GTSE1: variants seen among roughly 807,000 people sequenced by gnomAD.
GTSE1 encodes the protein G2 and S phase-expressed protein 1.
In GTSE1, 52 loss-of-function variants were observed where a neutral mutation model predicts 60.5. That is an observed-to-expected ratio of 0.86 (90% CI 0.69 to 1.08). The LOEUF (loss-of-function observed/expected upper bound fraction) is 1.08. Among genes scored for constraint, GTSE1 ranks in the 50% least tolerant of loss-of-function variants. The pLI, the probability that GTSE1 is intolerant of heterozygous loss-of-function variation, is 0.00. For synonymous variants in GTSE1, 368 were observed against 386.5 expected, an observed-to-expected ratio of 0.95 and a Z score of 0.56; for missense variants, 937 against 961.8, an observed-to-expected ratio of 0.97 and a Z score of 0.34.
Position 46,312,204 on chromosome 22 carries a change from C to T in GTSE1, c.826C>T (p.Arg276Trp), listed in dbSNP as rs766749646. The T allele has an allele frequency of 9.3e-6, 15 of 1,613,816 alleles. No individual in the cohort carries two copies. Among genetic ancestry groups the T allele is most frequent in the African/African-American group, 6.7e-5 (5 of 74,916 alleles). ...TKIPAEKESH[R>W]DVLPDKPAPG... ...AATCCCAGCTGAGAAGGAATCCCAC[C>T]GGGATGTTCTCCCTGACAAACCTGC... Residue 276 changes from arginine (R) to tryptophan (W), a missense_variant, in exon 5 of 12, where the codon CGG becomes TGG. Coordinates refer to ENST00000454366, the MANE Select transcript of GTSE1 (RefSeq NM_016426.7).
chr22:46,297,472 G>A lies in GTSE1; in HGVS notation c.72G>A (p.Lys24=). The A allele has an allele frequency of 6.2e-7, 1 of 1,611,122 alleles. No individual in the cohort carries two copies. Among genetic ancestry groups the A allele is most frequent in the South Asian group, 1.1e-5 (1 of 91,026 alleles). Residue 24 remains lysine, a synonymous_variant, in exon 2 of 12, where the codon AAG becomes AAA. Transcript: ENST00000454366. This position sits in a 1 kb window ranked among gnomAD's most constrained non-coding sequence, Gnocchi z 4.9. ...GGGACGTGAACATGGATGACCCTAA[G>A]AAGGAAGGCAAGTCCTTGCTGCTGC... ...RAGDVNMDDP[K]KEDILLLADE...
rs1351775201 is a variant in GTSE1 at position 46,318,747 on chromosome 22, C to A, written c.1432+2335C>A. 1.3e-5 allele frequency among the ~76,000 whole-genome samples: 2 copies of A among 152,074 alleles called. No homozygotes were observed. Among genetic ancestry groups the A allele is most frequent in the East Asian group, 3.9e-4 (2 of 5,186 alleles). On this transcript the variant is annotated intron_variant, in intron 7 of 11. Coordinates refer to ENST00000454366, the MANE Select transcript of GTSE1 (RefSeq NM_016426.7). This position sits in a 1 kb window ranked among gnomAD's most constrained non-coding sequence, Gnocchi z 4.8. ...ACGTGCTCTGGGAGCAGCATGGGGG[C>A]CGGAGGGTGGGAGTGCAGCCGCTGC... is the stretch of plus-strand genomic sequence containing the variant.
chr22:46,302,081 C>T (rs1171816423), intron 2 of GTSE1, among the ~76,000 whole-genome samples: 3 of 152,036 alleles, frequency 2.0e-5, no homozygotes, highest in Non-Finnish European at 2.9e-5. Context: ...GCCAAGATCG[C>T]GCCATTGCAC....
At position 46,329,961 on chromosome 22, in the gene GTSE1, C is replaced by G. The variant is rs2077866793; in HGVS notation, c.2137-86C>G. On this transcript the variant is annotated intron_variant, in intron 11 of 11. Transcript: ENST00000454366. This position sits in a 1 kb window ranked among gnomAD's most constrained non-coding sequence, Gnocchi z 6.4. ...CAGGATGAGCGAGTGGCTGTGATGACCCACGCAGCCAGTCCTCTGTGCAGG... is the reference window on the plus strand; with the variant it reads ...CAGGATGAGCGAGTGGCTGTGATGAGCCACGCAGCCAGTCCTCTGTGCAGG... 4.8e-5 allele frequency: 40 copies of G among 826,302 alleles called. No homozygotes were observed. In the East Asian group the frequency reaches 9.8e-4, roughly 20 times the overall value. 51.2% of individuals were successfully genotyped at this position (826,302 alleles called of 1,614,324 possible).
chr22:46,312,638 CAAA>C (rs60392526), intron 5 of GTSE1, among the ~76,000 whole-genome samples: 13 of 59,774 alleles, frequency 2.2e-4, no homozygotes, highest in Admixed American at 5.8e-4. Flanking sequence ...GACCCTGTCT[CAAA>C]AAAAAAAAAA....
rs890691103 is a variant in GTSE1 at position 46,325,487 on chromosome 22, G to A, written c.1506-949G>A. On this transcript the variant is annotated intron_variant, in intron 8 of 11. Coordinates refer to ENST00000454366, the MANE Select transcript of GTSE1 (RefSeq NM_016426.7). ...CTGGGATTACAGGCGTGAGCCACCCGCCCGGCCTATGTTTGTTTATTTTTT... is the reference window on the plus strand; with the variant it reads ...CTGGGATTACAGGCGTGAGCCACCCACCCGGCCTATGTTTGTTTATTTTTT... 6.6e-5 allele frequency among the ~76,000 whole-genome samples: 10 copies of A among 152,066 alleles called. No homozygotes were observed. In the East Asian group the frequency reaches 1.2e-3, roughly 18 times the overall value.
rs2077831158 is a variant in GTSE1 at position 46,324,253 on chromosome 22, G to A, written c.1505+991G>A. ...TGCCGTCCCTCCCATGCATGGTGGT[G>A]AAGAGCAAAGACCAGAGCCAGGCAG... On this transcript the variant is annotated intron_variant, in intron 8 of 11. Transcript: ENST00000454366. This position sits in a 1 kb window ranked among gnomAD's most constrained non-coding sequence, Gnocchi z 5.2. Among the ~76,000 whole-genome samples, 1 of 152,236 alleles carries A rather than the reference G, an allele frequency of 6.6e-6. No homozygotes were observed.
intron 2 of GTSE1, among the ~76,000 whole-genome samples, chr22:46,302,549 A>C (rs577371513): frequency 7.9e-5 from 12 of 152,092 alleles, no homozygotes; most frequent in Non-Finnish European, 2.9e-5. Context: ...TTTTGTACAG[A>C]CAAGGTCTCC....
rs192724573 is a variant in GTSE1 at position 46,319,784 on chromosome 22, G to A, written c.1432+3372G>A. On this transcript the variant is annotated intron_variant, in intron 7 of 11. Coordinates refer to ENST00000454366, the MANE Select transcript of GTSE1 (RefSeq NM_016426.7). The surrounding 1 kb of genome is among the most constrained non-coding windows in gnomAD (Gnocchi z 5.0). ...GCAGATCACCTGAGGTCAGGAGTTC[G>A]AGAGCAGCCTGGTCAACATGGTGAA... 3.9e-5 allele frequency among the ~76,000 whole-genome samples: 6 copies of A among 152,164 alleles called. No homozygotes were observed. Among genetic ancestry groups the A allele is most frequent in the Admixed American group, 3.3e-4 (5 of 15,288 alleles).
In GTSE1 at chr22:46,314,981, T is replaced by C. The variant is rs2077770515; in HGVS notation, c.1051+968T>C. Among the ~76,000 whole-genome samples, 1 of 152,040 alleles carries C rather than the reference T, an allele frequency of 6.6e-6. No homozygotes were observed. Among genetic ancestry groups the C allele is most frequent in the Non-Finnish European group, 1.5e-5 (1 of 68,006 alleles). On this transcript the variant is annotated intron_variant, in intron 6 of 11. Transcript: ENST00000454366. The surrounding 1 kb of genome is among the most constrained non-coding windows in gnomAD (Gnocchi z 7.1). ...TTTATAGACTGAGGTGATGACCTCC[T>C]GAGATCAAGCAATCCTCCCACCTCA...
At chr22:46,298,024 G>A (rs1055994860) in intron 2 of GTSE1, among the ~76,000 whole-genome samples, 2 of 150,856 alleles carry the variant, frequency 1.3e-5, no homozygotes, top group Non-Finnish European at 3.0e-5. Flanking sequence ...GTGCAAAGGC[G>A]TGATCTGTAC....
rs2077736266 is a variant in GTSE1 at position 46,309,477 on chromosome 22, T to G, written c.762+534T>G. On this transcript the variant is annotated intron_variant, in intron 4 of 11. Transcript: ENST00000454366. This position sits in a 1 kb window ranked among gnomAD's most constrained non-coding sequence, Gnocchi z 6.2. ...TGCCAGGGCTGCCCGATCTGGCTCT[T>G]GCTCGGGAGAGGCCACAGAGAGGAA... is the stretch of plus-strand genomic sequence containing the variant. 1.3e-5 allele frequency among the ~76,000 whole-genome samples: 2 copies of G among 152,184 alleles called. No homozygotes were observed. Among genetic ancestry groups the G allele is most frequent in the South Asian group, 2.1e-4 (1 of 4,822 alleles).
At chr22:46,323,125 T>A (rs751448086) in intron 7 of GTSE1, 65 bp from the exon 8 acceptor site, 2 of 1,034,384 alleles carry the variant, frequency 1.9e-6, no homozygotes, top group Non-Finnish European at 3.1e-6. Context: ...TCGGTGACGA[T>A]CCCCCAACAG....
chr22:46,319,202 G>T lies in GTSE1; in HGVS notation c.1432+2790G>T, dbSNP rs899609623. On this transcript the variant is annotated intron_variant, in intron 7 of 11. Transcript: ENST00000454366. This position sits in a 1 kb window ranked among gnomAD's most constrained non-coding sequence, Gnocchi z 5.0. The stretch of plus-strand genomic sequence containing the variant: ...GCAGCCCGAGGCCGGCTCCCAGAGC[G>T]CCGCGTGACCAGAGCGGACCCTGGA... Among the ~76,000 whole-genome samples the T allele has an allele frequency of 1.1e-4, 16 of 152,204 alleles. No homozygotes were observed. Among genetic ancestry groups the T allele is most frequent in the Admixed American group, 1.0e-3 (16 of 15,282 alleles).
At chr22:46,326,231 C>A (rs1385414788) in intron 8 of GTSE1, among the ~76,000 whole-genome samples, 1 of 152,274 alleles carries the variant, frequency 6.6e-6, no homozygotes, top group East Asian at 1.9e-4. Context: ...GAGCCCGAAG[C>A]CCACGCCAGG....
Position 46,321,774 on chromosome 22 carries a change from A to G in GTSE1, c.1433-1416A>G, listed in dbSNP as rs765500077. The stretch of plus-strand genomic sequence containing the variant: ...TGCATGAGTCACTTTGATAGAGGTG[A>G]TTTTTAAAAGAATAGGAGAGGCTGG... On this transcript the variant is annotated intron_variant, in intron 7 of 11. Coordinates refer to ENST00000454366, the MANE Select transcript of GTSE1 (RefSeq NM_016426.7). The surrounding 1 kb of genome is among the most constrained non-coding windows in gnomAD (Gnocchi z 4.0). Among the ~76,000 whole-genome samples, 1 of 152,092 alleles carries G rather than the reference A, an allele frequency of 6.6e-6. No homozygotes were observed. Among genetic ancestry groups the G allele is most frequent in the Non-Finnish European group, 1.5e-5 (1 of 68,008 alleles).
At chr22:46,328,666 T>C (rs368921988) in intron 9 of GTSE1, 22 bp from the exon 10 acceptor site, 1 of 1,579,080 alleles carries the variant, frequency 6.3e-7, no homozygotes, top group East Asian at 2.2e-5. Context: ...CATTTTCTCA[T>C]AAGTTTTTTT....
intron 2 of GTSE1, among the ~76,000 whole-genome samples, chr22:46,306,914 T>C (rs2077718536): frequency 6.6e-6 from 1 of 152,212 alleles, no homozygotes; most frequent in Non-Finnish European, 1.5e-5. Context: ...AGCTGGACAT[T>C]TGGGAATTTG....
rs1569033817 is a variant in GTSE1, at chr22:46,297,778, T to TA, written c.79+299_79+300insA. Among the ~76,000 whole-genome samples the TA allele has an allele frequency of 1.3e-5, 2 of 152,194 alleles. No individual in the cohort carries two copies. The highest frequency in any genetic ancestry group is 2.9e-5 in the Non-Finnish European group (2 of 68,040). On this transcript the variant is annotated intron_variant, in intron 2 of 11. Transcript: ENST00000454366. The surrounding 1 kb of genome is among the most constrained non-coding windows in gnomAD (Gnocchi z 4.9). ...GTATTGAATTCGATGTTTTCTTTTTTGTTTGTCGCTGGTTTCTGTTTGCTA... is the reference window on the plus strand; with the variant it reads ...GTATTGAATTCGATGTTTTCTTTTTTAGTTTGTCGCTGGTTTCTGTTTGCTA...
Sources: gnomAD v4.1 joint callset for allele counts (sites outside exome capture counted in the v4.1 genomes callset) on GRCh38, gnomAD v4.1.1 for gene constraint, Gnocchi (gnomAD v3.1) non-coding constraint, MANE v1.5 for transcripts, NCBI Gene and HGNC (gene_info 2026-07-23, HGNC 2026-07-21) for gene names.